CDH18: variants seen among roughly 807,000 people sequenced by gnomAD.
CDH18 encodes cadherin 18.
A neutral mutation model predicts 67.9 loss-of-function variants in CDH18; 31 were observed. The ratio of observed to expected loss-of-function variants is 0.46; its 90% CI spans 0.34 to 0.62. The LOEUF is 0.62. Ranked by LOEUF, CDH18 falls within the 20% of genes least tolerant of loss-of-function variation. The pLI is 0.01. For synonymous variants in CDH18, 362 were observed against 347.2 expected, an observed-to-expected ratio of 1.04 and a Z score of -0.48; for missense variants, 890 against 975.5, an observed-to-expected ratio of 0.91 and a Z score of 1.17.
intron 2 of CDH18, among the ~76,000 whole-genome samples, chr5:19,958,379 C>CA (rs57913629): frequency 0.089 from 5,900 of 66,600 alleles, 551 homozygotes; most frequent in African/African-American, 0.23. Context: ...TTTCCTTCAC[C>CA]AAAAAAAAAA....
chr5:20,548,843 G>A (rs1032845528), intron 1 of CDH18, among the ~76,000 whole-genome samples: 1 of 152,150 alleles, frequency 6.6e-6, no homozygotes, highest in Non-Finnish European at 1.5e-5. Context: ...TATGGGTGAT[G>A]AAGTCTAATG....
intron 2 of CDH18, among the ~76,000 whole-genome samples, chr5:19,956,369 T>G (rs1796259922): frequency 6.6e-6 from 1 of 151,940 alleles, no homozygotes; most frequent in African/African-American, 2.4e-5. Context: ...GGGAGGAAAA[T>G]CAAAAGATAA....
chr5:20,159,476 ATT>A lies in CDH18; in HGVS notation c.-518+95966_-518+95967del, dbSNP rs574354320. Among the ~76,000 whole-genome samples the A allele has an allele frequency of 3.1e-3, 469 of 152,302 alleles. 3 individuals are homozygous for A. The highest frequency in any genetic ancestry group is 1.7e-3 in the Non-Finnish European group (118 of 68,022). On this transcript the variant is annotated intron_variant, in intron 2 of 14. Coordinates refer to the CDH18 transcript ENST00000507958. Reference sequence around the variant, plus strand: ...CCAACATACTTACTCCAACTGAAAGATTTATAGGTTAGAAAATATAATTTAGC... The same window carrying A: ...CCAACATACTTACTCCAACTGAAAGATATAGGTTAGAAAATATAATTTAGC...
At chr5:20,279,650 G>T (rs1402968459) in intron 1 of CDH18, among the ~76,000 whole-genome samples, 1 of 118,204 alleles carries the variant, frequency 8.5e-6, no homozygotes, top group Non-Finnish European at 1.6e-5. Context: ...AGTGAGCCGA[G>T]ATCATGCCAT....
intron 2 of CDH18, among the ~76,000 whole-genome samples, chr5:20,014,190 T>C (rs1737691309): frequency 6.6e-6 from 1 of 152,100 alleles, no homozygotes; most frequent in South Asian, 2.1e-4. Context: ...TTGAAAATAT[T>C]TACAAGAAAA....
rs145658939 is a variant in CDH18 at position 20,002,037 on chromosome 5, C to G, written c.-517-10023G>C. The stretch of plus-strand genomic sequence containing the variant: ...CAGTTTTACACACAGTGTCCCTAAC[C>G]ATATGTTCTGCTCATTGTTACAAAC... On this transcript the variant is annotated intron_variant, in intron 2 of 14. Coordinates refer to the CDH18 transcript ENST00000507958. 2.6e-5 allele frequency among the ~76,000 whole-genome samples: 4 copies of G among 152,272 alleles called. No individual in the cohort carries two copies. In the East Asian group the frequency reaches 7.7e-4, roughly 29 times the overall value.
chr5:20,435,583 G>C (rs1028679125), intron 1 of CDH18, among the ~76,000 whole-genome samples: 1 of 151,772 alleles, frequency 6.6e-6, no homozygotes, highest in Non-Finnish European at 1.5e-5. Flanking sequence ...CCACTGTCTG[G>C]AATAGGCCAA....
chr5:19,678,061 GATC>G (rs1759746230), intron 5 of CDH18, among the ~76,000 whole-genome samples: 1 of 151,886 alleles, frequency 6.6e-6, no homozygotes, highest in Non-Finnish European at 1.5e-5. Flanking sequence ...GTAATAGACA[GATC>G]ATCGAGGCAG....
intron 1 of CDH18, among the ~76,000 whole-genome samples, chr5:20,428,457 C>T (rs1748487567): frequency 6.6e-6 from 1 of 152,148 alleles, no homozygotes; most frequent in African/African-American, 2.4e-5. Context: ...TGGGTATAAA[C>T]CCAGTAATGG....
chr5:19,667,447 A>G (rs1424820165), intron 5 of CDH18, among the ~76,000 whole-genome samples: 1 of 150,154 alleles, frequency 6.7e-6, no homozygotes, highest in Non-Finnish European at 1.5e-5. Flanking sequence ...AATTTAAAAT[A>G]TAATTAATTT....
chr5:19,932,033 T>C (rs1793751474), intron 2 of CDH18, among the ~76,000 whole-genome samples: 1 of 151,864 alleles, frequency 6.6e-6, no homozygotes, highest in Non-Finnish European at 1.5e-5. Flanking sequence ...CTAAAGTACA[T>C]TTTTTATAAG....
intron 1 of CDH18, among the ~76,000 whole-genome samples, chr5:20,481,184 C>A (rs1581082111): frequency 6.7e-6 from 1 of 148,458 alleles, no homozygotes; most frequent in African/African-American, 2.5e-5. Context: ...GGAGGAGTAG[C>A]TAATTCAGAC....
At chr5:20,310,092 T>C (rs1361779530) in intron 1 of CDH18, among the ~76,000 whole-genome samples, 3 of 152,168 alleles carry the variant, frequency 2.0e-5, no homozygotes, top group Non-Finnish European at 2.9e-5. Flanking sequence ...TGCTGTTAGT[T>C]AATATTCTGC....
chr5:19,520,865 G>T, intron 9 of CDH18, 87 bp from the exon 10 acceptor site: 1 of 1,410,808 alleles, frequency 7.1e-7, no homozygotes, highest in Non-Finnish European at 9.6e-7. Flanking sequence ...ACTGTAGCTT[G>T]TCACTGGTTC....
chr5:19,953,676 T>C (rs974709537), intron 2 of CDH18, among the ~76,000 whole-genome samples: 1 of 152,024 alleles, frequency 6.6e-6, no homozygotes, highest in African/African-American at 2.4e-5. Flanking sequence ...ATATATAGTT[T>C]GTTTCCTGAA....
At chr5:19,658,972 A>G (rs1454632848) in intron 5 of CDH18, among the ~76,000 whole-genome samples, 1 of 152,124 alleles carries the variant, frequency 6.6e-6, no homozygotes, top group African/African-American at 2.4e-5. Context: ...TGCAGCCATA[A>G]AAAATGATGA....
intron 5 of CDH18, among the ~76,000 whole-genome samples, chr5:19,641,492 C>T (rs950554816): frequency 6.6e-6 from 1 of 151,916 alleles, no homozygotes; most frequent in Non-Finnish European, 1.5e-5. Context: ...GGTCATACAC[C>T]ATGACCACGT....
chr5:19,512,684 G>C lies in CDH18; in HGVS notation c.1512+7973C>G, dbSNP rs75061637. On this transcript the variant is annotated intron_variant, in intron 10 of 12. Coordinates refer to ENST00000382275, the MANE Select transcript of CDH18 (RefSeq NM_004934.5). Reference sequence around the variant, plus strand: ...TACCTGCGTATAGCAGCATTGTCACGGTTGTTGCTATTATTAATGGGTGTT... The same window carrying C: ...TACCTGCGTATAGCAGCATTGTCACCGTTGTTGCTATTATTAATGGGTGTT... Among the ~76,000 whole-genome samples the C allele has an allele frequency of 3.3e-4, 50 of 152,116 alleles. No individual in the cohort carries two copies. In the East Asian group the frequency reaches 9.5e-3, roughly 29 times the overall value.
intron 1 of CDH18, among the ~76,000 whole-genome samples, chr5:20,267,401 G>C (rs547873919): frequency 7.2e-5 from 11 of 152,104 alleles, no homozygotes; most frequent in Non-Finnish European, 1.5e-4. Flanking sequence ...CCTCAGAACT[G>C]TCTTGGCTAT....
Sources: gnomAD v4.1 joint callset for allele counts (sites outside exome capture counted in the v4.1 genomes callset) on GRCh38, gnomAD v4.1.1 for gene constraint, MANE v1.5 for transcripts, NCBI Gene and HGNC (gene_info 2026-07-23, HGNC 2026-07-21) for gene names.